Variants in PUM3 observed in about 807,000 individuals in gnomAD.
PUM3 encodes the protein pumilio RNA binding family member 3.
Under a neutral mutation model 84.0 loss-of-function variants are expected in PUM3, and 91 were observed. The observed-to-expected ratio is 1.08, with a 90% CI of 0.91 to 1.29. The LOEUF (loss-of-function observed/expected upper bound fraction) is 1.29. Among genes scored for constraint, PUM3 ranks in the 50% most tolerant of loss-of-function variants. The pLI is 0.00. For synonymous variants in PUM3, 321 were observed against 266.7 expected (o/e 1.20, Z -1.98); for missense variants, 1,067 against 767.5 (o/e 1.39, Z -4.61).
At chr9:2,818,827 G>A (rs73377840) in intron 13 of PUM3, among the ~76,000 whole-genome samples, 9,952 of 152,188 alleles carry the variant, frequency 0.065, 449 homozygotes, top group African/African-American at 0.13. Flanking sequence ...TGGGACCTAC[G>A]GCTGGCATCT....
intron 9 of PUM3, among the ~76,000 whole-genome samples, chr9:2,828,050 A>AT (rs1201869501): frequency 6.6e-6 from 1 of 151,708 alleles, no homozygotes; most frequent in Admixed American, 6.6e-5. Context: ...ATTTTTTTTT[A>AT]TTTTTTTAAA....
chr9:2,808,095 T>A, intron 16 of PUM3, 191 bp from the exon 17 acceptor site: 1 of 538,410 alleles, frequency 1.9e-6, no homozygotes, highest in Non-Finnish European at 3.3e-6. Flanking sequence ...AAAGAGCCAT[T>A]TCTTTTAACT....
At chr9:2,817,820 T>C (rs1263329360) in intron 13 of PUM3, among the ~76,000 whole-genome samples, 1 of 152,232 alleles carries the variant, frequency 6.6e-6, no homozygotes, top group Non-Finnish European at 1.5e-5. Context: ...TTTCTGTATA[T>C]TTTAAAGACA....
Position 2,811,667 on chromosome 9 carries a change from C to A in PUM3, c.1413-84G>T, listed in dbSNP as rs1378146525. Reference sequence around the variant, plus strand: ...ATATTATCACAAAAACCTCTAAGAGCTTATCACAGACTGTATCGCACTCTA... The same window carrying A: ...ATATTATCACAAAAACCTCTAAGAGATTATCACAGACTGTATCGCACTCTA... On this transcript the variant is annotated intron_variant, in intron 14 of 17. Transcript: ENST00000397885. 5.4e-6 allele frequency: 5 copies of A among 922,714 alleles called. No homozygotes were observed. In the African/African-American group the frequency reaches 8.1e-5, roughly 15 times the overall value. 57.2% of individuals were successfully genotyped at this position (922,714 alleles called of 1,614,324 possible). A position where few individuals can be genotyped will look rare whatever the true frequency, so the allele number is the denominator to read the frequency against.
In PUM3 at chr9:2,820,626, G is replaced by T. The variant is rs146795228; in HGVS notation, c.1189-528C>A. 3.7e-3 allele frequency among the ~76,000 whole-genome samples: 560 copies of T among 152,096 alleles called. 2 individuals are homozygous for T. Among genetic ancestry groups the T allele is most frequent in the African/African-American group, 0.013 (539 of 41,510 alleles). On this transcript the variant is annotated intron_variant, in intron 12 of 17. Transcript: ENST00000397885. ...ATAGTCATCTCTGGGTTATACAAAT[G>T]ATTTTTAATTTTCTTTTCTATATTG...
intron 6 of PUM3, 24 bp downstream of exon 6, chr9:2,831,227 T>C (rs1490390672): frequency 4.9e-6 from 7 of 1,434,146 alleles, no homozygotes; most frequent in Non-Finnish European, 6.8e-6. Context: ...AATGATAACA[T>C]AATCTTTAGT....
chr9:2,807,780 G>C, intron 17 of PUM3, 34 bp downstream of exon 17: 2 of 1,355,702 alleles, frequency 1.5e-6, no homozygotes, highest in East Asian at 4.6e-5. Flanking sequence ...GCATGACCAG[G>C]CCCTGCTCAG....
In PUM3 at chr9:2,824,764, C is replaced by CGT. The variant is rs746989461; in HGVS notation, c.1085_1086dup (p.Asp363ThrfsTer21). 18 of 1,589,200 alleles carry CGT rather than the reference C, an allele frequency of 1.1e-5. No homozygotes were observed. The highest frequency in any genetic ancestry group is 6.8e-5 in the East Asian group (3 of 44,312). ...CAGTGCATGGCCACTCTGGCGCCAT[C>CGT]GTGTGTGTGTGCCAGGTAGACCACC... On this transcript the variant is annotated frameshift_variant, in exon 11 of 18. Coordinates refer to ENST00000397885, the MANE Select transcript of PUM3 (RefSeq NM_014878.5). LOFTEE classifies it high-confidence loss of function.
At chr9:2,829,581 C>A (rs1815916635) in intron 8 of PUM3, among the ~76,000 whole-genome samples, 193 bp downstream of exon 8, 1 of 152,134 alleles carries the variant, frequency 6.6e-6, no homozygotes, top group Non-Finnish European at 1.5e-5. Flanking sequence ...AAAGCCAATG[C>A]TCTGGAGAAA....
At chr9:2,828,571 T>C (rs1815885010) in intron 9 of PUM3, 104 bp downstream of exon 9, 1 of 692,608 alleles carries the variant, frequency 1.4e-6, no homozygotes, top group Non-Finnish European at 2.5e-6. Flanking sequence ...AATAGATTAA[T>C]ACTTGTAAGC....
chr9:2,817,693 G>A (rs750771451), intron 13 of PUM3, among the ~76,000 whole-genome samples: 1 of 152,140 alleles, frequency 6.6e-6, no homozygotes, highest in Non-Finnish European at 1.5e-5. Context: ...GTAGATATGG[G>A]GCGATGATAG....
At chr9:2,830,126 T>C (rs1815936422) in intron 7 of PUM3, among the ~76,000 whole-genome samples, 178 bp from the exon 8 acceptor site, 1 of 152,016 alleles carries the variant, frequency 6.6e-6, no homozygotes, top group Non-Finnish European at 1.5e-5. Flanking sequence ...ATAAATGTCA[T>C]TTCCTATTAA....
At chr9:2,818,300 C>T (rs1245172270) in intron 13 of PUM3, among the ~76,000 whole-genome samples, 3 of 152,156 alleles carry the variant, frequency 2.0e-5, no homozygotes, top group Non-Finnish European at 4.4e-5. Context: ...GGGAAAGCTG[C>T]CCTAAGTATG....
intron 12 of PUM3, among the ~76,000 whole-genome samples, chr9:2,821,672 G>C (rs1486219538): frequency 6.6e-6 from 1 of 152,010 alleles, no homozygotes; most frequent in Admixed American, 6.6e-5. Context: ...AATGTAAAGT[G>C]GTTCAACTTC....
At chr9:2,832,716 T>G (rs1225292095) in intron 5 of PUM3, among the ~76,000 whole-genome samples, 1 of 152,324 alleles carries the variant, frequency 6.6e-6, no homozygotes, top group East Asian at 1.9e-4. Context: ...GACTTGCTAC[T>G]TTCCTTCAAA....
intron 16 of PUM3, 95 bp downstream of exon 16, chr9:2,810,249 A>G (rs572848829): frequency 2.5e-6 from 2 of 800,594 alleles, no homozygotes; most frequent in African/African-American, 1.7e-5. Flanking sequence ...GGCAAACTTC[A>G]TTTGAGCTTA....
intron 12 of PUM3, among the ~76,000 whole-genome samples, chr9:2,821,483 C>T (rs1815626007): frequency 7.2e-6 from 1 of 138,026 alleles, no homozygotes; most frequent in African/African-American, 2.7e-5. Context: ...AGTCAGATCA[C>T]ACTAAAACAG....
chr9:2,833,780 C>G (rs893139298), intron 4 of PUM3, among the ~76,000 whole-genome samples: 1 of 152,180 alleles, frequency 6.6e-6, no homozygotes, highest in Non-Finnish European at 1.5e-5. Context: ...AGAAATCTCT[C>G]AGGAAGAATG....
Position 2,834,162 on chromosome 9 carries a change from T to G in PUM3, c.309A>C (p.Ser103=), listed in dbSNP as rs755236526. 1.5e-5 allele frequency: 24 copies of G among 1,610,672 alleles called. No homozygotes were observed. In the Middle Eastern group the frequency reaches 5.0e-4, roughly 33 times the overall value. Residue 103 remains serine, a synonymous_variant, in exon 4 of 18, where the codon TCA becomes TCC. Coordinates refer to ENST00000397885, the MANE Select transcript of PUM3 (RefSeq NM_014878.5). ...KFQPDGRSDE[S]AAKKPKWDDF... ...CATCCCATTTGGGCTTCTTGGCTGC[T>G]GATTCTAGTTATTATAGAAATTATT... is the stretch of plus-strand genomic sequence containing the variant.
Sources: gnomAD v4.1 joint callset for allele counts (sites outside exome capture counted in the v4.1 genomes callset) on GRCh38, gnomAD v4.1.1 for gene constraint, MANE v1.5 for transcripts, NCBI Gene and HGNC (gene_info 2026-07-23, HGNC 2026-07-21) for gene names.